The following CFH variants were observed in gnomAD, a reference collection of about 807,000 sequenced individuals.
CFH encodes the protein H factor 1 (complement).
CFH carries 53 observed loss-of-function variants against 147.3 expected under a neutral mutation model. The ratio of observed to expected loss-of-function variants is 0.36; its 90% confidence interval spans 0.29 to 0.45. The LOEUF (loss-of-function observed/expected upper bound fraction) is 0.45. CFH is among the 20% of genes least tolerant of loss of function. CFH has a pLI of 1.00. For synonymous variants in CFH, 536 were observed against 489.4 expected, an observed-to-expected ratio of 1.10 and a Z score of -1.26; for missense variants, 1,380 against 1,498.0, an observed-to-expected ratio of 0.92 and a Z score of 1.30.
intron 1 of CFH, among the ~76,000 whole-genome samples, chr1:196,659,763 C>T (rs1370914031): frequency 6.6e-6 from 1 of 152,122 alleles, no homozygotes; most frequent in Non-Finnish European, 1.5e-5. Flanking sequence ...TCCACTCAGA[C>T]CTGTTTTGGA....
At chr1:196,710,347 C>G (rs1487002221) in intron 9 of CFH, among the ~76,000 whole-genome samples, 1 of 152,110 alleles carries the variant, frequency 6.6e-6, no homozygotes, top group African/African-American at 2.4e-5. Flanking sequence ...TATTGCTAAA[C>G]AGTGGGCATG....
intron 11 of CFH, among the ~76,000 whole-genome samples, chr1:196,721,869 A>C (rs1669007141): frequency 6.6e-6 from 1 of 151,402 alleles, no homozygotes; most frequent in African/African-American, 2.4e-5. Flanking sequence ...AACTATACCA[A>C]ATGCTTTTTG....
At chr1:196,745,004 G>A (rs962816209) in intron 20 of CFH, among the ~76,000 whole-genome samples, 6 of 152,074 alleles carry the variant, frequency 3.9e-5, no homozygotes, top group African/African-American at 1.4e-4. Flanking sequence ...CTTGAAAACC[G>A]TGCCACATGG....
Position 196,677,607 on chromosome 1 carries a change from G to T in CFH, c.559G>T (p.Asp187Tyr). Reference protein sequence around the residue: ...VCNSGYKIEGDEEMHCSDDGF... With the variant: ...VCNSGYKIEGYEEMHCSDDGF... ...TAACTCAGGCTACAAGATTGAAGGAGATGAAGAAATGCATTGTTCAGACGA... is the reference window on the plus strand; with the variant it reads ...TAACTCAGGCTACAAGATTGAAGGATATGAAGAAATGCATTGTTCAGACGA... Residue 187 changes from aspartate to tyrosine, a missense_variant, in exon 5 of 22, where the codon GAT becomes TAT. By Grantham distance (160) the Asp-to-Tyr change is radical. This residue lies in a region of CFH where 260 missense variants were observed against 263.3 expected (regional missense o/e 0.99). Transcript: ENST00000367429. The T allele has an allele frequency of 6.2e-7, 1 of 1,613,274 alleles. No homozygotes were observed. Among genetic ancestry groups the T allele is most frequent in the South Asian group, 1.1e-5 (1 of 91,062 alleles).
At chr1:196,682,396 A>G (rs867921257) in intron 6 of CFH, among the ~76,000 whole-genome samples, 6 of 151,768 alleles carry the variant, frequency 4.0e-5, no homozygotes, top group Non-Finnish European at 8.9e-5. Context: ...TGTATTTTTA[A>G]AAAGATTATG....
intron 19 of CFH, among the ~76,000 whole-genome samples, chr1:196,743,204 A>G (rs1477394425): frequency 6.6e-6 from 1 of 152,220 alleles, no homozygotes; most frequent in Non-Finnish European, 1.5e-5. Context: ...GAAGGGAAAA[A>G]TAAAGGTCTA....
chr1:196,695,781 G>T (rs2149093106), intron 9 of CFH, among the ~76,000 whole-genome samples: 1 of 152,184 alleles, frequency 6.6e-6, no homozygotes, highest in East Asian at 1.9e-4. Flanking sequence ...GTGAATGGGA[G>T]TTCACTCATG....
chr1:196,702,373 AC>A (rs1186063685), intron 9 of CFH, among the ~76,000 whole-genome samples: 2 of 152,092 alleles, frequency 1.3e-5, no homozygotes, highest in African/African-American at 4.8e-5. Context: ...TTTCCCCATA[AC>A]AACTGCTTAC....
intron 1 of CFH, among the ~76,000 whole-genome samples, chr1:196,653,279 T>C (rs1666566845): frequency 6.6e-6 from 1 of 151,810 alleles, no homozygotes; most frequent in African/African-American, 2.4e-5. Flanking sequence ...TTCTTTGGCT[T>C]GTAAACTTTA....
chr1:196,681,928 T>C lies in CFH; in HGVS notation c.790+2135T>C, dbSNP rs142275845. 4.9e-3 allele frequency among the ~76,000 whole-genome samples: 742 copies of C among 151,906 alleles called. 13 individuals carry two copies. The highest frequency in any genetic ancestry group is 0.012 in the Admixed American group (177 of 15,222). On this transcript the variant is annotated intron_variant, in intron 6 of 21. Transcript: ENST00000367429. ...TCTATACACATCATTTTCTCTGAAATCAGGTAACTTCAAACTCTCTTTGTT... is the reference window on the plus strand; with the variant it reads ...TCTATACACATCATTTTCTCTGAAACCAGGTAACTTCAAACTCTCTTTGTT...
At chr1:196,712,212 A>C (rs970542071) in intron 9 of CFH, among the ~76,000 whole-genome samples, 1 of 152,112 alleles carries the variant, frequency 6.6e-6, no homozygotes, top group East Asian at 1.9e-4. Flanking sequence ...ATTTGTGGCA[A>C]GAACTCTGTT....
At chr1:196,746,044 A>T (rs1652991389) in intron 21 of CFH, 45 bp downstream of exon 21, 1 of 1,613,622 alleles carries the variant, frequency 6.2e-7, no homozygotes, top group South Asian at 1.1e-5. Context: ...CTCTGTGATG[A>T]GTCTGATATT....
chr1:196,682,052 G>T (rs1280884760), intron 6 of CFH, among the ~76,000 whole-genome samples: 2 of 151,572 alleles, frequency 1.3e-5, no homozygotes, highest in South Asian at 2.1e-4. Flanking sequence ...CTTCAATCTG[G>T]TCTATGGCAC....
In CFH at chr1:196,742,059, G is replaced by A; in HGVS notation, c.3133+8G>A. ...GAAGGCCAACATGCAGAGGTACTTTGGTGAATTTTCAAAATTTATTTATAT... is the reference window on the plus strand; with the variant it reads ...GAAGGCCAACATGCAGAGGTACTTTAGTGAATTTTCAAAATTTATTTATAT... On this transcript the variant is annotated splice_region_variant and intron_variant, in intron 19 of 21. Transcript: ENST00000367429. 6.2e-7 allele frequency: 1 copy of A among 1,613,764 alleles called. No individual in the cohort carries two copies.
chr1:196,672,693 C>G (rs1247012782), intron 1 of CFH, among the ~76,000 whole-genome samples: 1 of 152,090 alleles, frequency 6.6e-6, no homozygotes, highest in Non-Finnish European at 1.5e-5. Flanking sequence ...AGTAATATAA[C>G]AAAATATATC....
chr1:196,709,704 T>G (rs2149100173), intron 9 of CFH, among the ~76,000 whole-genome samples: 1 of 152,254 alleles, frequency 6.6e-6, no homozygotes, highest in East Asian at 1.9e-4. Flanking sequence ...TCACAAGACA[T>G]TTTGGTCCTT....
intron 9 of CFH, among the ~76,000 whole-genome samples, chr1:196,710,939 G>A (rs558566270): frequency 6.6e-6 from 1 of 152,136 alleles, no homozygotes; most frequent in East Asian, 1.9e-4. Flanking sequence ...TGTGGCTTCA[G>A]TAATTTTTTA....
rs147478315 is a variant in CFH, at chr1:196,747,223, A to C, written c.3606A>C (p.Lys1202Asn). 6.2e-6 allele frequency: 10 copies of C among 1,613,820 alleles called. No homozygotes were observed. The highest frequency in any genetic ancestry group is 2.5e-6 in the Non-Finnish European group (3 of 1,179,876). ...RTGESVEFVC[K>N]RGYRLSSRSH... The stretch of plus-strand genomic sequence containing the variant: ...GTGAATCAGTTGAATTTGTGTGTAA[A>C]CGGGGATATCGTCTTTCATCACGTT... The change falls in exon 22 of 22, where the codon AAA becomes AAC. Residue 1202 changes from lysine (K) to asparagine (N), a missense_variant. Physicochemically the swap from Lys to Asn is moderately conservative, Grantham distance 94 (BLOSUM62 0). This residue lies in a region of CFH where 123 missense variants were observed against 185.3 expected (regional missense o/e 0.66). Coordinates refer to ENST00000367429, the MANE Select transcript of CFH (RefSeq NM_000186.4).
intron 9 of CFH, among the ~76,000 whole-genome samples, chr1:196,697,067 G>A (rs1051521166): frequency 1.3e-5 from 2 of 151,652 alleles, no homozygotes; most frequent in Non-Finnish European, 1.5e-5. Context: ...AGAAAACCTA[G>A]GCAATACCAT....
Sources: allele counts gnomAD v4.1 joint callset (sites outside exome capture counted in the v4.1 genomes callset), GRCh38; gene constraint gnomAD v4.1.1; regional missense constraint gnomAD v4.1.1; transcripts MANE v1.5; gene names NCBI Gene and HGNC (gene_info 2026-07-23, HGNC 2026-07-21).